The following MOXD1 variants were observed in gnomAD, a reference collection of about 807,000 sequenced individuals.
MOXD1 encodes the protein monooxygenase DBH like 1.
A neutral mutation model predicts 66.6 loss-of-function variants in MOXD1; 62 were observed. The observed-to-expected ratio is 0.93, with a 90% CI of 0.76 to 1.15. The LOEUF is 1.15. MOXD1 is among the 50% of genes most tolerant of loss of function. The pLI is 0.00. For missense variants in MOXD1, 847 were observed against 754.6 expected (o/e 1.12, Z -1.44); for synonymous variants, 303 against 281.9 (o/e 1.07, Z -0.75).
intron 4 of MOXD1, among the ~76,000 whole-genome samples, chr6:132,357,419 G>C (rs1418146563): frequency 3.3e-5 from 5 of 152,030 alleles, no homozygotes; most frequent in Non-Finnish European, 7.4e-5. Flanking sequence ...ATAAGAGTTT[G>C]CCTTACTAAA....
chr6:132,309,968 A>G (rs1030018431), intron 10 of MOXD1, among the ~76,000 whole-genome samples: 1 of 152,258 alleles, frequency 6.6e-6, no homozygotes, highest in African/African-American at 2.4e-5. Context: ...AAAAACGCCA[A>G]AAGCAATTGC....
rs1019805453 is a variant in MOXD1, at chr6:132,359,643, A to C, written c.663+12965T>G. 3.3e-5 allele frequency among the ~76,000 whole-genome samples: 5 copies of C among 151,860 alleles called. No individual in the cohort carries two copies. The East Asian group carries it at 5.8e-4, about 18-fold the overall frequency. On this transcript the variant is annotated intron_variant, in intron 4 of 11. Transcript: ENST00000367963. ...CTGGGACTACAGGCGCCCGCCACGAAGCCCGGCTAATTTTTTGTATTTTTA... is the reference window on the plus strand; with the variant it reads ...CTGGGACTACAGGCGCCCGCCACGACGCCCGGCTAATTTTTTGTATTTTTA...
intron 1 of MOXD1, among the ~76,000 whole-genome samples, chr6:132,379,446 T>C (rs937788965): frequency 6.6e-6 from 1 of 152,112 alleles, no homozygotes; most frequent in African/African-American, 2.4e-5. Flanking sequence ...TAGGAACAAG[T>C]CCGGGAAACA....
intron 4 of MOXD1, among the ~76,000 whole-genome samples, chr6:132,357,702 T>C (rs1233641767): frequency 6.6e-6 from 1 of 152,128 alleles, no homozygotes; most frequent in Admixed American, 6.5e-5. Flanking sequence ...TGAAAAGCTT[T>C]AAAAATTATT....
At chr6:132,382,901 C>T (rs989593878) in intron 1 of MOXD1, among the ~76,000 whole-genome samples, 7 of 152,156 alleles carry the variant, frequency 4.6e-5, no homozygotes, top group African/African-American at 1.7e-4. Context: ...TAAATTGGTT[C>T]TCACTCATTG....
At chr6:132,301,189 C>T (rs1384214023) in intron 10 of MOXD1, among the ~76,000 whole-genome samples, 5 of 111,304 alleles carry the variant, frequency 4.5e-5, no homozygotes, top group African/African-American at 9.4e-5. Context: ...TACATGTAAA[C>T]GAATGGTATT....
At chr6:132,302,136 A>G (rs770591810) in intron 10 of MOXD1, among the ~76,000 whole-genome samples, 83 of 152,154 alleles carry the variant, frequency 5.5e-4, no homozygotes, top group Non-Finnish European at 1.2e-3. Flanking sequence ...AGACTGGGCA[A>G]TGAACAACTA....
In MOXD1 at chr6:132,320,870, T is replaced by C. The variant is rs2114567924; in HGVS notation, c.1306-182A>G. Among the ~76,000 whole-genome samples the C allele has an allele frequency of 2.0e-5, 3 of 152,350 alleles. No homozygotes were observed. The South Asian group carries it at 6.2e-4, about 32-fold the overall frequency. On this transcript the variant is annotated intron_variant, in intron 8 of 11. Transcript: ENST00000367963. ...CTGATATAACAAGCAAGCAAATAAA[T>C]AGGACTCTCTGTGTTTCCACCAGAC...
At chr6:132,305,524 G>A (rs1260930995) in intron 10 of MOXD1, among the ~76,000 whole-genome samples, 1 of 152,210 alleles carries the variant, frequency 6.6e-6, no homozygotes, top group Non-Finnish European at 1.5e-5. Flanking sequence ...AAAGTGCTTT[G>A]TAAAATGAGT....
chr6:132,374,902 G>A (rs1776347443), intron 1 of MOXD1, 125 bp from the exon 2 acceptor site: 2 of 967,998 alleles, frequency 2.1e-6, no homozygotes, highest in Non-Finnish European at 3.1e-6. Flanking sequence ...ATTTCCAAGG[G>A]GCTGGAGTAT....
intron 9 of MOXD1, among the ~76,000 whole-genome samples, chr6:132,317,511 A>T (rs973151886): frequency 6.6e-6 from 1 of 152,114 alleles, no homozygotes; most frequent in Non-Finnish European, 1.5e-5. Context: ...TGTAGGGAGT[A>T]AAATTTTAAG....
rs531903843 is a variant in MOXD1 at position 132,298,009 on chromosome 6, C to CCTTTA, written c.1509-59_1509-55dup. ...TTCAGAACAAATGCATTACATGTTT[C>CCTTTA]CTTTACTTTTCAGCATCCTAAAATA... On this transcript the variant is annotated intron_variant, in intron 10 of 11. Transcript: ENST00000367963. 2,164 of 1,478,406 alleles carry CCTTTA rather than the reference C, an allele frequency of 1.5e-3. 3 individuals are homozygous for CCTTTA. The highest frequency in any genetic ancestry group is 1.8e-3 in the Non-Finnish European group (1,986 of 1,100,684). 91.6% of individuals were successfully genotyped at this position (1,478,406 alleles called of 1,614,324 possible). A position where few individuals can be genotyped will look rare whatever the true frequency, so the allele number is the denominator to read the frequency against.
chr6:132,366,513 C>G (rs753836939), intron 4 of MOXD1, among the ~76,000 whole-genome samples: 1 of 151,926 alleles, frequency 6.6e-6, no homozygotes, highest in African/African-American at 2.4e-5. Context: ...AAAACTGCAT[C>G]AATTAAAATA....
At chr6:132,313,845 G>A (rs894779710) in intron 10 of MOXD1, among the ~76,000 whole-genome samples, 2 of 152,248 alleles carry the variant, frequency 1.3e-5, no homozygotes, top group Admixed American at 1.3e-4. Flanking sequence ...AACCCAGGAG[G>A]CAGAGGTTGC....
Position 132,377,611 on chromosome 6 carries a change from T to C in MOXD1, c.265-2834A>G, listed in dbSNP as rs531706271. 4.6e-5 allele frequency among the ~76,000 whole-genome samples: 7 copies of C among 152,330 alleles called. 1 individual carries two copies. Among genetic ancestry groups the C allele is most frequent in the African/African-American group, 1.7e-4 (7 of 41,570 alleles). On this transcript the variant is annotated intron_variant, in intron 1 of 11. Coordinates refer to ENST00000367963, the MANE Select transcript of MOXD1 (RefSeq NM_015529.4). ...TGAGAGAAACTTCACTCAACTTATG[T>C]TGATGACCCCTTGCGCCATCTGCCC...
intron 1 of MOXD1, among the ~76,000 whole-genome samples, chr6:132,385,827 G>A (rs1776619215): frequency 6.6e-6 from 1 of 152,030 alleles, no homozygotes; most frequent in Admixed American, 6.5e-5. Flanking sequence ...AAGAGGCCGG[G>A]CGAGGTGGCT....
intron 1 of MOXD1, among the ~76,000 whole-genome samples, chr6:132,394,925 A>G (rs1161177709): frequency 6.6e-6 from 1 of 152,168 alleles, no homozygotes. Flanking sequence ...AGTCTTGCAA[A>G]AAACTTTAGA....
At chr6:132,312,701 C>A (rs934446150) in intron 10 of MOXD1, among the ~76,000 whole-genome samples, 14 of 150,138 alleles carry the variant, frequency 9.3e-5, no homozygotes, top group African/African-American at 3.4e-4. Context: ...ATTATGAAAA[C>A]CCAACTTGAG....
intron 8 of MOXD1, 66 bp from the exon 9 acceptor site, chr6:132,320,754 G>T: frequency 7.6e-7 from 1 of 1,309,490 alleles, no homozygotes; most frequent in Non-Finnish European, 1.1e-6. Context: ...AAATACATTT[G>T]TACGTCAACA....
Sources: gnomAD v4.1 joint callset for allele counts (sites outside exome capture counted in the v4.1 genomes callset) on GRCh38, gnomAD v4.1.1 for gene constraint, MANE v1.5 for transcripts, NCBI Gene and HGNC (gene_info 2026-07-23, HGNC 2026-07-21) for gene names.